GPALPP1: variants seen among roughly 807,000 people sequenced by gnomAD.
The protein encoded by GPALPP1 is GPALPP motifs-containing protein 1.
A neutral mutation model predicts 38.9 loss-of-function variants in GPALPP1; 30 were observed. The ratio of observed to expected loss-of-function variants is 0.77; its 90% confidence interval spans 0.58 to 1.05. The LOEUF (loss-of-function observed/expected upper bound fraction) is 1.05. Ranked by LOEUF, GPALPP1 falls within the 50% of genes least tolerant of loss-of-function variation. The pLI is 0.00. For synonymous variants in GPALPP1, 120 were observed against 139.2 expected (o/e 0.86, Z 0.97); for missense variants, 384 against 408.8 (o/e 0.94, Z 0.52).
intron 1 of GPALPP1, among the ~76,000 whole-genome samples, chr13:45,003,732 C>T (rs143375303): frequency 1.2e-4 from 19 of 152,290 alleles, no homozygotes; most frequent in Middle Eastern, 3.4e-3. Flanking sequence ...CTAACATCCC[C>T]ATTACAGTGC....
chr13:45,014,972 T>C lies in GPALPP1; in HGVS notation c.429T>C (p.Asp143=). The C allele has an allele frequency of 6.2e-7, 1 of 1,603,816 alleles. No homozygotes were observed. The change falls in exon 5 of 8, where the codon GAT becomes GAC. Residue 143 remains aspartate (D), a synonymous_variant. Transcript: ENST00000379151. ...AAAAGGAAACAGACAGCAGTGAAGA[T>C]GAGGATATTATTGGACCAATGCCTG... is the stretch of plus-strand genomic sequence containing the variant. ...PGQQETDSSE[D]EDIIGPMPAK... is the part of the protein sequence containing the mutation.
intron 6 of GPALPP1, among the ~76,000 whole-genome samples, chr13:45,018,378 CAGAGCG>C (rs1399524769): frequency 6.9e-6 from 1 of 145,230 alleles, no homozygotes; most frequent in East Asian, 2.0e-4. Context: ...GCCTGGGTAA[CAGAGCG>C]AGACTCTGTC....
At chr13:45,007,741 G>A (rs935586047) in intron 3 of GPALPP1, among the ~76,000 whole-genome samples, 17 of 152,268 alleles carry the variant, frequency 1.1e-4, no homozygotes, top group South Asian at 8.3e-4. Context: ...ATAGAACATG[G>A]TGCAACCTGG....
intron 4 of GPALPP1, 23 bp downstream of exon 4, chr13:45,008,902 C>T: frequency 7.3e-7 from 1 of 1,362,836 alleles, no homozygotes; most frequent in Admixed American, 1.7e-5. Flanking sequence ...CATTTCAACT[C>T]TAAGGTTTGG....
intron 3 of GPALPP1, 137 bp downstream of exon 3, chr13:45,006,440 G>T: frequency 1.9e-6 from 1 of 516,494 alleles, no homozygotes; most frequent in Non-Finnish European, 3.4e-6. Context: ...TCATTCACCA[G>T]GAAAAGAAGT....
intron 1 of GPALPP1, among the ~76,000 whole-genome samples, chr13:44,993,040 A>G (rs1872946484): frequency 6.6e-6 from 1 of 151,968 alleles, no homozygotes; most frequent in South Asian, 2.1e-4. Context: ...ATGGAATCAT[A>G]CAGTACTTGC....
chr13:45,031,217 G>C (rs546586916), downstream of GPALPP1: 2 of 152,098 alleles, frequency 1.3e-5, no homozygotes, highest in Non-Finnish European at 2.9e-5. Flanking sequence ...AAAGCTTCTT[G>C]TGTACTCAAA....
intron 7 of GPALPP1, among the ~76,000 whole-genome samples, chr13:45,025,183 T>A (rs1875749802): frequency 6.6e-6 from 1 of 152,206 alleles, no homozygotes. Context: ...TCAATTGTGT[T>A]TTTTTATACT....
intron 1 of GPALPP1, among the ~76,000 whole-genome samples, chr13:44,997,737 T>C (rs375546309): frequency 1.3e-5 from 2 of 152,176 alleles, no homozygotes; most frequent in African/African-American, 4.8e-5. Flanking sequence ...CTTACATCCC[T>C]ACTCCTGTTA....
intron 3 of GPALPP1, among the ~76,000 whole-genome samples, chr13:45,007,866 G>A (rs1171187966): frequency 6.6e-6 from 1 of 152,206 alleles, no homozygotes; most frequent in Non-Finnish European, 1.5e-5. Flanking sequence ...GTGTGAAAGA[G>A]AGCATTTTTT....
In GPALPP1 at chr13:44,989,582, C is replaced by G. The variant is rs963490960; in HGVS notation, c.-73C>G. ...AAACCTGCCATTCTTCGCTGCTGAT[C>G]GCGGGATTCTTTTTGGATAGGGTTG... On this transcript the variant is annotated 5_prime_UTR_variant, in exon 1 of 8. It adds an upstream start codon to the 5' untranslated region. Transcript: ENST00000379151. The G allele has an allele frequency of 1.3e-6, 2 of 1,498,948 alleles. No homozygotes were observed. The highest frequency in any genetic ancestry group is 1.7e-4 in the Middle Eastern group (1 of 5,776). The allele number at this position is 1,498,948 out of a possible 1,614,324, so 92.9% of individuals were successfully genotyped here.
At chr13:45,019,017 AC>A (rs1875130107) in intron 6 of GPALPP1, among the ~76,000 whole-genome samples, 3 of 13,804 alleles carry the variant, frequency 2.2e-4, no homozygotes, top group Admixed American at 1.3e-3. Flanking sequence ...AAATATATAT[AC>A]ACATATAAAT....
intron 1 of GPALPP1, among the ~76,000 whole-genome samples, chr13:44,999,952 T>C (rs1243769736): frequency 6.6e-6 from 1 of 152,230 alleles, no homozygotes; most frequent in Non-Finnish European, 1.5e-5. Context: ...TTTGAACAAC[T>C]CAAATAGAAA....
At chr13:45,013,888 A>G (rs752293672) in intron 4 of GPALPP1, among the ~76,000 whole-genome samples, 2 of 152,212 alleles carry the variant, frequency 1.3e-5, no homozygotes, top group African/African-American at 2.4e-5. Context: ...TATTAAAAGA[A>G]ATAACTCATC....
chr13:44,994,087 G>T (rs1873062493), intron 1 of GPALPP1, among the ~76,000 whole-genome samples: 1 of 151,242 alleles, frequency 6.6e-6, no homozygotes. Context: ...TACAGGTAGT[G>T]CATGCCTGTA....
At position 45,008,850 on chromosome 13, in the gene GPALPP1, G is replaced by T. The variant is rs1421631210; in HGVS notation, c.379G>T (p.Asp127Tyr). Residue 127 changes from aspartate to tyrosine, a missense_variant, in exon 4 of 8, where the codon GAC becomes TAC. By Grantham distance (160) the Asp-to-Tyr change is radical. Transcript: ENST00000379151. ...PGFIKSTQKS[D>Y]KGRDDPGQQE... ...TTTCATTAAATCTACACAGAAAAGTGACAAGGGCAGAGATGATCCAGGACA... is the reference window on the plus strand; with the variant it reads ...TTTCATTAAATCTACACAGAAAAGTTACAAGGGCAGAGATGATCCAGGACA... 6.3e-7 allele frequency: 1 copy of T among 1,596,948 alleles called. No individual in the cohort carries two copies. The highest frequency in any genetic ancestry group is 1.3e-5 in the African/African-American group (1 of 74,542).
At chr13:45,034,800 A>C (rs965535386), downstream of GPALPP1, 8 of 145,224 alleles carry the variant, frequency 5.5e-5, no homozygotes, top group African/African-American at 2.1e-4. Context: ...GTAATGGCGC[A>C]ATCTCGGCTC....
chr13:45,026,108 T>G (rs1008309611), intron 7 of GPALPP1, among the ~76,000 whole-genome samples: 6 of 152,194 alleles, frequency 3.9e-5, no homozygotes, highest in African/African-American at 1.4e-4. Flanking sequence ...TTGATGATTT[T>G]TTTTTTATCT....
chr13:45,020,530 G>A, intron 7 of GPALPP1, 102 bp downstream of exon 7: 1 of 645,390 alleles, frequency 1.5e-6, no homozygotes, highest in South Asian at 1.7e-5. Context: ...GAGACGAAGA[G>A]TTCAAGGCCA....
Sources: gnomAD v4.1 joint callset for allele counts (sites outside exome capture counted in the v4.1 genomes callset) on GRCh38, gnomAD v4.1.1 for gene constraint, MANE v1.5 for transcripts, NCBI Gene and HGNC (gene_info 2026-07-23, HGNC 2026-07-21) for gene names.